GALNT13: variants seen among roughly 807,000 people sequenced by gnomAD.
The protein encoded by GALNT13 is polypeptide N-acetylgalactosaminyltransferase 13.
A neutral mutation model predicts 64.2 loss-of-function variants in GALNT13; 28 were observed. The ratio of observed to expected loss-of-function variants is 0.44; its 90% CI spans 0.32 to 0.60. The LOEUF (loss-of-function observed/expected upper bound fraction) is 0.60. GALNT13 is among the 20% of genes least tolerant of loss of function. The probability of loss-of-function intolerance (pLI) is 0.05; values close to 1 mark genes in which losing one functional copy is unlikely to be tolerated. For missense variants in GALNT13, 577 were observed against 669.8 expected, an observed-to-expected ratio of 0.86 and a Z score of 1.53; for synonymous variants, 214 against 224.6, an observed-to-expected ratio of 0.95 and a Z score of 0.42.
chr2:153,092,213 A>G, the GALNT13 span, among the ~76,000 whole-genome samples: 4 of 152,090 alleles, frequency 2.6e-5, no homozygotes, highest in African/African-American at 9.7e-5. Flanking sequence ...GTCTGTTGTT[A>G]TGCTACTACC....
At chr2:154,333,965 C>T (rs567000152) in intron 9 of GALNT13, among the ~76,000 whole-genome samples, 2 of 152,050 alleles carry the variant, frequency 1.3e-5, no homozygotes, top group East Asian at 1.9e-4. Context: ...CTACAATTGT[C>T]GTAACTTGCA....
At chr2:153,325,537 AG>A in the GALNT13 span, among the ~76,000 whole-genome samples, 2 of 152,050 alleles carry the variant, frequency 1.3e-5, no homozygotes, top group Non-Finnish European at 2.9e-5. Flanking sequence ...GATTTCTGCT[AG>A]CTTTTGAATT....
the GALNT13 span, among the ~76,000 whole-genome samples, chr2:153,649,513 A>C: frequency 7.0e-6 from 1 of 143,532 alleles, no homozygotes; most frequent in South Asian, 2.3e-4. Flanking sequence ...CTAGCTTTTG[A>C]ATGTGTTTGC....
At chr2:154,152,769 C>T (rs1255102509) in intron 4 of GALNT13, among the ~76,000 whole-genome samples, 3 of 152,190 alleles carry the variant, frequency 2.0e-5, no homozygotes, top group Admixed American at 6.5e-5. Context: ...GGAGCCTTGG[C>T]TTTCAGCTCC....
At chr2:153,693,884 G>A in the GALNT13 span, among the ~76,000 whole-genome samples, 1 of 152,098 alleles carries the variant, frequency 6.6e-6, no homozygotes, top group South Asian at 2.1e-4. Context: ...GGAGGCCGAG[G>A]TGGGCGGATC....
intron 3 of GALNT13, among the ~76,000 whole-genome samples, chr2:154,080,018 C>T (rs1038798411): frequency 6.6e-6 from 1 of 151,418 alleles, no homozygotes; most frequent in Non-Finnish European, 1.5e-5. Flanking sequence ...GAACTTCTTC[C>T]ACCCCTTTGT....
chr2:154,155,406 G>C (rs949286102), intron 4 of GALNT13, among the ~76,000 whole-genome samples: 3 of 152,010 alleles, frequency 2.0e-5, no homozygotes, highest in Non-Finnish European at 4.4e-5. Context: ...AAAGCAGATA[G>C]TTTTGTTATT....
chr2:154,439,977 T>C (rs141826804), intron 12 of GALNT13, among the ~76,000 whole-genome samples: 21 of 152,310 alleles, frequency 1.4e-4, no homozygotes, highest in Non-Finnish European at 2.9e-4. Context: ...TATTTATTGG[T>C]ACCATCCTTG....
the GALNT13 span, among the ~76,000 whole-genome samples, chr2:153,189,359 T>C: frequency 6.6e-6 from 1 of 152,216 alleles, no homozygotes; most frequent in Non-Finnish European, 1.5e-5. Flanking sequence ...TCACTTAACA[T>C]GATGACTTTC....
At chr2:154,210,718 G>C (rs1687710424) in intron 4 of GALNT13, among the ~76,000 whole-genome samples, 1 of 152,158 alleles carries the variant, frequency 6.6e-6, no homozygotes, top group Admixed American at 6.6e-5. Flanking sequence ...AAGGGGTTTG[G>C]AAAAATGGAA....
rs139734096 is a variant in GALNT13, at chr2:154,088,560, T to A, written c.143-51777T>A. ...TCCGCCTCCCAGGTTCAAGGGATTC[T>A]CCCACCTCAGCCTCCCAAGTAGTTG... On this transcript the variant is annotated intron_variant, in intron 3 of 12. Transcript: ENST00000392825. Among the ~76,000 whole-genome samples, 1,006 of 152,258 alleles carry A rather than the reference T, an allele frequency of 6.6e-3. 11 individuals carry two copies. Among genetic ancestry groups the A allele is most frequent in the African/African-American group, 0.022 (922 of 41,568 alleles).
chr2:153,419,900 A>G, the GALNT13 span, among the ~76,000 whole-genome samples: 1 of 152,190 alleles, frequency 6.6e-6, no homozygotes, highest in African/African-American at 2.4e-5. Flanking sequence ...AAATGGCAAG[A>G]CTTCTCAAAG....
At chr2:154,108,378 A>G (rs1361666336) in intron 3 of GALNT13, among the ~76,000 whole-genome samples, 1 of 151,878 alleles carries the variant, frequency 6.6e-6, no homozygotes, top group Non-Finnish European at 1.5e-5. Flanking sequence ...AGTATTTTTT[A>G]TATTTCTGTT....
At chr2:153,602,678 C>T in the GALNT13 span, among the ~76,000 whole-genome samples, 4 of 151,760 alleles carry the variant, frequency 2.6e-5, no homozygotes, top group South Asian at 2.1e-4. Flanking sequence ...ATGAGGACAA[C>T]CAGATTTCAT....
the GALNT13 span, among the ~76,000 whole-genome samples, chr2:153,748,808 T>C: frequency 2.0e-5 from 3 of 152,080 alleles, no homozygotes; most frequent in Non-Finnish European, 4.4e-5. Flanking sequence ...ATGCTTTGGT[T>C]GCCTATGCTC....
the GALNT13 span, among the ~76,000 whole-genome samples, chr2:153,536,961 A>C: frequency 1.3e-5 from 2 of 152,258 alleles, no homozygotes; most frequent in African/African-American, 4.8e-5. Context: ...ATAGTTATGT[A>C]CATTTAGTTA....
chr2:153,318,597 A>T, the GALNT13 span, among the ~76,000 whole-genome samples: 1 of 152,212 alleles, frequency 6.6e-6, no homozygotes, highest in African/African-American at 2.4e-5. Flanking sequence ...GAAATTAGAT[A>T]TTGGATGACA....
chr2:153,203,033 T>C, the GALNT13 span, among the ~76,000 whole-genome samples: 1 of 152,218 alleles, frequency 6.6e-6, no homozygotes, highest in Non-Finnish European at 1.5e-5. Flanking sequence ...AATGTGCCTT[T>C]CGGTGTCTCC....
the GALNT13 span, among the ~76,000 whole-genome samples, chr2:153,676,163 C>A: frequency 6.6e-6 from 1 of 152,050 alleles, no homozygotes; most frequent in African/African-American, 2.4e-5. Flanking sequence ...TAAACACAAT[C>A]ATAAATGACC....
Sources: gnomAD v4.1 joint callset for allele counts (sites outside exome capture counted in the v4.1 genomes callset) on GRCh38, gnomAD v4.1.1 for gene constraint, MANE v1.5 for transcripts, NCBI Gene and HGNC (gene_info 2026-07-23, HGNC 2026-07-21) for gene names.